CALN1: variants seen among roughly 807,000 people sequenced by gnomAD.
CALN1 encodes the protein calcium-binding protein 8.
CALN1 carries 17 observed loss-of-function variants against 30.6 expected under a neutral mutation model. The observed-to-expected ratio is 0.56, with a 90% CI of 0.38 to 0.83. The LOEUF (loss-of-function observed/expected upper bound fraction) is 0.83, where lower values mean the gene tolerates loss of function less well. CALN1 is among the 40% of genes least tolerant of loss of function. The probability of loss-of-function intolerance (pLI) is 0.00; values close to 1 mark genes in which losing one functional copy is unlikely to be tolerated. For synonymous variants in CALN1, 156 were observed against 131.4 expected (o/e 1.19, Z -1.28); for missense variants, 291 against 354.9 (o/e 0.82, Z 1.45).
intron 5 of CALN1, among the ~76,000 whole-genome samples, chr7:71,933,315 T>C (rs931481032): frequency 2.0e-5 from 3 of 152,136 alleles, no homozygotes; most frequent in African/African-American, 7.2e-5. Context: ...ATGGAACCAA[T>C]CTGTGGGTCC....
At chr7:72,139,239 G>A (rs1287306802) in intron 3 of CALN1, among the ~76,000 whole-genome samples, 1 of 152,142 alleles carries the variant, frequency 6.6e-6, no homozygotes, top group Non-Finnish European at 1.5e-5. Flanking sequence ...ACTGGGCCAT[G>A]TACACCTTCT....
chr7:71,972,491 T>C (rs1797898006), intron 5 of CALN1, among the ~76,000 whole-genome samples: 1 of 152,104 alleles, frequency 6.6e-6, no homozygotes, highest in Admixed American at 6.6e-5. Flanking sequence ...GAGCGTGCAA[T>C]ACTTCCACAC....
chr7:72,354,058 G>GCC (rs1283815832), intron 2 of CALN1, among the ~76,000 whole-genome samples: 1 of 151,966 alleles, frequency 6.6e-6, no homozygotes, highest in East Asian at 1.9e-4. Flanking sequence ...GTGGTGGTGG[G>GCC]CCCCTCTAAT....
At chr7:72,486,604 C>T in the CALN1 span, among the ~76,000 whole-genome samples, 1 of 152,014 alleles carries the variant, frequency 6.6e-6, no homozygotes, top group East Asian at 1.9e-4. Flanking sequence ...AACTCCTGAC[C>T]TCAAGTAATC....
At chr7:71,840,866 C>A (rs955336440) in intron 5 of CALN1, among the ~76,000 whole-genome samples, 15 of 151,964 alleles carry the variant, frequency 9.9e-5, no homozygotes, top group South Asian at 6.2e-4. Context: ...GGAGGGAAAA[C>A]CACATTTTGG....
intron 2 of CALN1, among the ~76,000 whole-genome samples, chr7:72,316,137 T>G (rs1800427939): frequency 6.9e-6 from 1 of 144,368 alleles, no homozygotes; most frequent in Non-Finnish European, 1.5e-5. Flanking sequence ...GATGACAGAT[T>G]ATGTCTTTAA....
At chr7:72,487,946 GAAGGAAGGA>G in the CALN1 span, among the ~76,000 whole-genome samples, 4 of 72,614 alleles carry the variant, frequency 5.5e-5, no homozygotes, top group Non-Finnish European at 8.2e-5. Context: ...AGGAAGGAAG[GAAGGAAGGA>G]AAGGAAGGAA....
intron 2 of CALN1, among the ~76,000 whole-genome samples, chr7:72,313,292 G>C (rs1417767140): frequency 2.0e-5 from 3 of 152,050 alleles, no homozygotes; most frequent in Admixed American, 1.3e-4. Flanking sequence ...GGATTATTTA[G>C]TAAGCATTAT....
rs1298419532 is a variant in CALN1 at position 71,790,369 on chromosome 7, AAAG to A, written c.659-2470_659-2468del. On this transcript the variant is annotated intron_variant, in intron 6 of 6. Transcript: ENST00000395275. ...AAGAAAAGAAAGAAAGAAAGAAAGAAAAGAAAGAAAGAAAGAAAGAAAGAAAGA... is the reference window on the plus strand; with the variant it reads ...AAGAAAAGAAAGAAAGAAAGAAAGAAAAAGAAAGAAAGAAAGAAAGAAAGA... 9.7e-3 allele frequency among the ~76,000 whole-genome samples: 200 copies of A among 20,560 alleles called. 9 individuals carry two copies. In the East Asian group the frequency reaches 0.18, roughly 19 times the overall value. 13.5% of individuals were successfully genotyped at this position (20,560 alleles called of 152,430 possible). A position where few individuals can be genotyped will look rare whatever the true frequency, so the allele number is the denominator to read the frequency against.
At chr7:72,380,748 T>TA (rs576492212) in intron 2 of CALN1, among the ~76,000 whole-genome samples, 2 of 139,780 alleles carry the variant, frequency 1.4e-5, no homozygotes, top group Non-Finnish European at 3.2e-5. Context: ...TAGATAGTGT[T>TA]AAAGTTTGCT....
At chr7:72,338,905 T>G (rs2129558698) in intron 2 of CALN1, among the ~76,000 whole-genome samples, 1 of 138,464 alleles carries the variant, frequency 7.2e-6, no homozygotes, top group South Asian at 2.2e-4. Context: ...TCTAACTTGT[T>G]TTTTTTTTTT....
chr7:72,422,234 T>C (rs1807635712), intron 1 of CALN1, among the ~76,000 whole-genome samples: 1 of 152,236 alleles, frequency 6.6e-6, no homozygotes, highest in African/African-American at 2.4e-5. Flanking sequence ...TACTACTAGT[T>C]TACATTCCCG....
chr7:72,430,548 T>C (rs1807941157), intron 1 of CALN1, among the ~76,000 whole-genome samples: 1 of 152,168 alleles, frequency 6.6e-6, no homozygotes, highest in African/African-American at 2.4e-5. Context: ...ACCTTTTGCC[T>C]GGACTTCACA....
At chr7:71,919,489 C>A (rs1008124590) in intron 5 of CALN1, among the ~76,000 whole-genome samples, 1 of 152,196 alleles carries the variant, frequency 6.6e-6, no homozygotes, top group Non-Finnish European at 1.5e-5. Flanking sequence ...TAGGAAAAGA[C>A]ATAGTCCCTG....
chr7:72,118,350 A>C (rs569267682), intron 3 of CALN1, among the ~76,000 whole-genome samples: 10 of 152,348 alleles, frequency 6.6e-5, no homozygotes, highest in Non-Finnish European at 1.3e-4. Flanking sequence ...ATCATACTGA[A>C]AGCAGAGCAT....
At chr7:72,170,156 T>C (rs1275474265) in intron 3 of CALN1, among the ~76,000 whole-genome samples, 1 of 152,176 alleles carries the variant, frequency 6.6e-6, no homozygotes, top group African/African-American at 2.4e-5. Flanking sequence ...TTTTTCTTTT[T>C]ACATTTTGTA....
chr7:72,078,182 G>C (rs1173990543), intron 4 of CALN1, among the ~76,000 whole-genome samples: 2 of 152,124 alleles, frequency 1.3e-5, no homozygotes, highest in African/African-American at 4.8e-5. Context: ...TAAAATTTTT[G>C]AATAAATGTT....
intron 3 of CALN1, among the ~76,000 whole-genome samples, chr7:72,219,200 G>A (rs1018276588): frequency 6.6e-6 from 1 of 152,110 alleles, no homozygotes; most frequent in African/African-American, 2.4e-5. Context: ...ACAGCCAGCT[G>A]TAACTGAGTC....
In CALN1 at chr7:71,898,010, AGGGGGGGG is replaced by A. The variant is rs1295708591; in HGVS notation, c.502-87526_502-87519del. Among the ~76,000 whole-genome samples, 568 of 61,194 alleles carry A rather than the reference AGGGGGGGG, an allele frequency of 9.3e-3. 13 individuals are homozygous for A. Among genetic ancestry groups the A allele is most frequent in the African/African-American group, 0.026 (508 of 19,174 alleles). 40.1% of individuals were successfully genotyped at this position (61,194 alleles called of 152,430 possible). On this transcript the variant is annotated intron_variant, in intron 5 of 6. Transcript: ENST00000395275. ...AAAAAAAAGAGAGAGAGAGGGAGGGAGGGGGGGGGAGAGAGAGAGAGAGAGAGAGAATG... is the reference window on the plus strand; with the variant it reads ...AAAAAAAAGAGAGAGAGAGGGAGGGAGAGAGAGAGAGAGAGAGAGAGAATG...
Sources: gnomAD v4.1 joint callset for allele counts (sites outside exome capture counted in the v4.1 genomes callset) on GRCh38, gnomAD v4.1.1 for gene constraint, MANE v1.5 for transcripts, NCBI Gene and HGNC (gene_info 2026-07-23, HGNC 2026-07-21) for gene names.